Variants in CCBE1 observed in about 807,000 individuals in gnomAD.
CCBE1 encodes collagen and calcium-binding EGF domain-containing protein 1.
A neutral mutation model predicts 50.0 loss-of-function variants in CCBE1; 37 were observed. The observed-to-expected ratio is 0.74, with a 90% CI of 0.57 to 0.97. The LOEUF is 0.97. Among genes scored for constraint, CCBE1 ranks in the 50% least tolerant of loss-of-function variants. The pLI, the probability that CCBE1 is intolerant of heterozygous loss-of-function variation, is 0.00. For missense variants in CCBE1, 538 were observed against 523.8 expected (o/e 1.03, Z -0.26); for synonymous variants, 234 against 203.7 (o/e 1.15, Z -1.27).
chr18:59,510,872 G>C (rs1417850805), intron 2 of CCBE1, among the ~76,000 whole-genome samples: 1 of 152,170 alleles, frequency 6.6e-6, no homozygotes, highest in Non-Finnish European at 1.5e-5. Context: ...TTTGCATATG[G>C]ATTCTGATTC....
rs1057322767 is a variant in CCBE1 at position 59,432,992 on chromosome 18, A to C, written c.*2916T>G. ...ACATTCATCCATCCACACCCTTTAA[A>C]TACCATGCTCCACAAGCAGGCAAAC... On this transcript the variant is annotated 3_prime_UTR_variant, in exon 11 of 11. Transcript: ENST00000439986. 6.6e-6 allele frequency: 1 copy of C among 152,116 alleles called. No homozygotes were observed. Among genetic ancestry groups the C allele is most frequent in the Admixed American group, 6.5e-5 (1 of 15,276 alleles). The allele number at this position is 152,116 out of a possible 1,614,324, so 9.4% of individuals were successfully genotyped here.
intron 2 of CCBE1, among the ~76,000 whole-genome samples, chr18:59,484,333 C>T (rs1318280304): frequency 6.6e-6 from 1 of 152,190 alleles, no homozygotes; most frequent in Non-Finnish European, 1.5e-5. Context: ...ATACTCAAAT[C>T]GAACATCACA....
chr18:59,469,693 G>T (rs1598928016), intron 3 of CCBE1, 86 bp from the exon 4 acceptor site: 4 of 1,577,080 alleles, frequency 2.5e-6, no homozygotes, highest in Non-Finnish European at 3.5e-6. Flanking sequence ...TTCTGGGCTG[G>T]GCTCTGCTCA....
intron 2 of CCBE1, among the ~76,000 whole-genome samples, chr18:59,633,503 T>C (rs1012439649): frequency 2.8e-4 from 43 of 152,204 alleles, no homozygotes; most frequent in Admixed American, 1.3e-4. Context: ...CTCGGGCCCA[T>C]GCCGAGAACA....
intron 2 of CCBE1, among the ~76,000 whole-genome samples, chr18:59,601,413 C>T (rs185247683): frequency 1.3e-5 from 2 of 152,258 alleles, no homozygotes; most frequent in African/African-American, 2.4e-5. Flanking sequence ...CCCCTGCACA[C>T]ACTCTCTTGC....
At chr18:59,461,970 G>A (rs905007202) in intron 5 of CCBE1, among the ~76,000 whole-genome samples, 4 of 152,050 alleles carry the variant, frequency 2.6e-5, no homozygotes, top group African/African-American at 9.7e-5. Flanking sequence ...CTGACCTCAG[G>A]CGTTCCTACC....
At chr18:59,675,217 C>G (rs1430829543) in intron 2 of CCBE1, among the ~76,000 whole-genome samples, 1 of 152,204 alleles carries the variant, frequency 6.6e-6, no homozygotes, top group East Asian at 1.9e-4. Context: ...AGAAGCCTCA[C>G]TGCCAATGGT....
chr18:59,639,703 T>A (rs929969970), intron 2 of CCBE1, among the ~76,000 whole-genome samples: 7 of 152,200 alleles, frequency 4.6e-5, no homozygotes, highest in African/African-American at 1.2e-4. Context: ...AGTCAAACTT[T>A]CCCTGTTTCC....
intron 2 of CCBE1, among the ~76,000 whole-genome samples, chr18:59,500,525 T>C (rs1009039617): frequency 1.3e-5 from 2 of 152,006 alleles, no homozygotes; most frequent in Non-Finnish European, 2.9e-5. Flanking sequence ...AAGCCAGGGG[T>C]AACAGCTGGC....
At chr18:59,516,915 C>T (rs918713147) in intron 2 of CCBE1, among the ~76,000 whole-genome samples, 6 of 152,292 alleles carry the variant, frequency 3.9e-5, no homozygotes, top group South Asian at 2.1e-4. Context: ...TGGAAAACAC[C>T]GGGTAACCTT....
intron 2 of CCBE1, among the ~76,000 whole-genome samples, chr18:59,601,352 T>C (rs889228205): frequency 2.0e-5 from 3 of 152,088 alleles, no homozygotes; most frequent in Non-Finnish European, 4.4e-5. Flanking sequence ...TCCCATGCTG[T>C]TCTCATGACA....
At chr18:59,551,491 A>G (rs1250471395) in intron 2 of CCBE1, among the ~76,000 whole-genome samples, 1 of 152,184 alleles carries the variant, frequency 6.6e-6, no homozygotes, top group Non-Finnish European at 1.5e-5. Context: ...AGTAAAGCAC[A>G]CCACGATGCC....
intron 2 of CCBE1, among the ~76,000 whole-genome samples, chr18:59,633,410 C>T (rs2144630865): frequency 6.6e-6 from 1 of 152,316 alleles, no homozygotes; most frequent in Middle Eastern, 3.4e-3. Context: ...TCCAGGGGGA[C>T]ATTAGTTTTC....
intron 6 of CCBE1, among the ~76,000 whole-genome samples, chr18:59,452,998 G>A (rs968282109): frequency 1.3e-5 from 2 of 152,120 alleles, no homozygotes; most frequent in Non-Finnish European, 2.9e-5. Context: ...GGTCTTTGAG[G>A]GTGACAAGTA....
At chr18:59,672,457 T>C (rs2054444901) in intron 2 of CCBE1, among the ~76,000 whole-genome samples, 1 of 152,216 alleles carries the variant, frequency 6.6e-6, no homozygotes, top group Admixed American at 6.5e-5. Flanking sequence ...TCTCTGCACT[T>C]GGAATGCTTA....
Position 59,633,020 on chromosome 18 carries a change from G to A in CCBE1, c.212+63609C>T, listed in dbSNP as rs2053869708. On this transcript the variant is annotated intron_variant, in intron 2 of 10. Transcript: ENST00000439986. ...CTAATGTTTTTGAAACTGCCTTTAA[G>A]CATTCCATGCTTAAGTGATTTAATT... Among the ~76,000 whole-genome samples the A allele has an allele frequency of 2.6e-5, 4 of 152,158 alleles. No homozygotes were observed. In the East Asian group the frequency reaches 7.7e-4, roughly 29 times the overall value.
intron 2 of CCBE1, among the ~76,000 whole-genome samples, chr18:59,588,728 T>C (rs1042157887): frequency 3.9e-4 from 60 of 152,314 alleles, no homozygotes; most frequent in African/African-American, 1.4e-3. Context: ...GTTCATGCAC[T>C]GAACCAGAAG....
At chr18:59,537,535 CT>C (rs1032591655) in intron 2 of CCBE1, among the ~76,000 whole-genome samples, 1 of 152,168 alleles carries the variant, frequency 6.6e-6, no homozygotes, top group African/African-American at 2.4e-5. Flanking sequence ...TAAGATGTGC[CT>C]TTTGCCTTCC....
At chr18:59,596,226 A>G (rs2053348727) in intron 2 of CCBE1, among the ~76,000 whole-genome samples, 1 of 152,192 alleles carries the variant, frequency 6.6e-6, no homozygotes, top group Non-Finnish European at 1.5e-5. Flanking sequence ...GGCAGCAAGG[A>G]GGACACAGGG....
Sources: allele counts gnomAD v4.1 joint callset (sites outside exome capture counted in the v4.1 genomes callset), GRCh38; gene constraint gnomAD v4.1.1; transcripts MANE v1.5; gene names NCBI Gene and HGNC (gene_info 2026-07-23, HGNC 2026-07-21).